The following LIX1 variants were observed in gnomAD, a reference collection of about 807,000 sequenced individuals.
LIX1 encodes the protein limb and CNS expressed 1, also known as protein limb expression 1 homolog.
A neutral mutation model predicts 33.4 loss-of-function variants in LIX1; 24 were observed. That is an observed-to-expected ratio of 0.72 (90% confidence interval 0.52 to 1.01). The LOEUF is 1.01. Among genes scored for constraint, LIX1 ranks in the 50% least tolerant of loss-of-function variants. The pLI is 0.00. For missense variants in LIX1, 311 were observed against 339.2 expected (o/e 0.92, Z 0.65); for synonymous variants, 124 against 124.0 (o/e 1.00, Z 0.00).
At chr5:97,133,981 G>A (rs561839702) in intron 1 of LIX1, among the ~76,000 whole-genome samples, 23 of 151,906 alleles carry the variant, frequency 1.5e-4, no homozygotes, top group Admixed American at 3.9e-4. Flanking sequence ...AAATTTGACA[G>A]AAAAAAAAGA....
intron 2 of LIX1, among the ~76,000 whole-genome samples, chr5:97,111,926 T>C (rs962884671): frequency 1.3e-5 from 2 of 152,204 alleles, no homozygotes; most frequent in African/African-American, 4.8e-5. Context: ...AGCAGACACA[T>C]GTCTATGCTC....
intron 1 of LIX1, among the ~76,000 whole-genome samples, chr5:97,135,877 T>C (rs1748162443): frequency 6.6e-6 from 1 of 152,040 alleles, no homozygotes; most frequent in Non-Finnish European, 1.5e-5. Context: ...GGACCAATGA[T>C]TTTAGACAAC....
At chr5:97,110,687 G>T (rs1359129070) in intron 2 of LIX1, among the ~76,000 whole-genome samples, 1 of 152,122 alleles carries the variant, frequency 6.6e-6, no homozygotes, top group Non-Finnish European at 1.5e-5. Context: ...CAGGTGATCC[G>T]CCCGCCTTGG....
chr5:97,133,093 T>G (rs564148866), intron 1 of LIX1, among the ~76,000 whole-genome samples: 2 of 152,322 alleles, frequency 1.3e-5, no homozygotes, highest in Admixed American at 1.3e-4. Context: ...AAGTTTGAGA[T>G]GTAGAGAGTT....
chr5:97,139,012 A>C (rs1748228145), intron 1 of LIX1, among the ~76,000 whole-genome samples: 1 of 152,168 alleles, frequency 6.6e-6, no homozygotes. Context: ...GGCATACTCA[A>C]CCTGTACTGC....
rs117082285 is a variant in LIX1 at position 97,092,956 on chromosome 5, G to T, written c.*1792C>A. ...TTCTGATTTCTTTTCAGGAATATAA[G>T]GGAATAAAGTTCTTTCGTGGGTGAC... On this transcript the variant is annotated 3_prime_UTR_variant, in exon 6 of 6. Transcript: ENST00000274382. 1.8e-4 allele frequency: 28 copies of T among 152,412 alleles called. No individual in the cohort carries two copies. In the East Asian group the frequency reaches 5.3e-3, roughly 29 times the overall value. The allele number at this position is 152,412 out of a possible 1,614,324, so 9.4% of individuals were successfully genotyped here.
Position 97,092,117 on chromosome 5 carries a change from T to C in LIX1, c.*2631A>G, listed in dbSNP as rs577810717. ...GGATCCCTGATGTAAAGTTTGACAG[T>C]GTATGTTGTGTTCAAAATCAACAGT... On this transcript the variant is annotated 3_prime_UTR_variant, in exon 6 of 6. Transcript: ENST00000274382. 2 of 152,456 alleles carry C rather than the reference T, an allele frequency of 1.3e-5. No homozygotes were observed. Among genetic ancestry groups the C allele is most frequent in the South Asian group, 2.1e-4 (1 of 4,828 alleles). 9.4% of individuals were successfully genotyped at this position (152,456 alleles called of 1,614,324 possible).
chr5:97,104,791 T>C (rs547603111), intron 4 of LIX1, among the ~76,000 whole-genome samples: 6 of 152,280 alleles, frequency 3.9e-5, no homozygotes, highest in African/African-American at 1.4e-4. Flanking sequence ...TAGGGTATTG[T>C]TTAACGTGCA....
rs370066844 is a variant in LIX1, at chr5:97,105,179, C to T, written c.483+11G>A. 61 of 1,610,288 alleles carry T rather than the reference C, an allele frequency of 3.8e-5. No individual in the cohort carries two copies. The highest frequency in any genetic ancestry group is 4.9e-5 in the Non-Finnish European group (58 of 1,176,662). On this transcript the variant is annotated intron_variant, in intron 4 of 5. Coordinates refer to ENST00000274382, the MANE Select transcript of LIX1 (RefSeq NM_153234.5). ...GATAATCAAACAAATATGTGGCAGG[C>T]AGGCAGGTACCTGAAACTCCAGCAT...
intron 2 of LIX1, among the ~76,000 whole-genome samples, chr5:97,122,587 C>T (rs1331402179): frequency 6.6e-6 from 1 of 152,148 alleles, no homozygotes; most frequent in Non-Finnish European, 1.5e-5. Flanking sequence ...TCTAAGAGTT[C>T]ATCTTGTTGA....
intron 2 of LIX1, among the ~76,000 whole-genome samples, chr5:97,113,481 T>C (rs1747517999): frequency 6.6e-6 from 1 of 152,262 alleles, no homozygotes; most frequent in Non-Finnish European, 1.5e-5. Context: ...GGTACTATGC[T>C]GAGCACTTTA....
chr5:97,138,705 T>C (rs1212996091), intron 1 of LIX1, among the ~76,000 whole-genome samples: 4 of 152,168 alleles, frequency 2.6e-5, no homozygotes, highest in Admixed American at 2.0e-4. Context: ...ACACTTCTGT[T>C]CAAATGTGAT....
chr5:97,101,238 T>C (rs13154242), intron 4 of LIX1, among the ~76,000 whole-genome samples: 40,903 of 152,104 alleles, frequency 0.27, 6,293 homozygotes, highest in African/African-American at 0.43. Flanking sequence ...ATTATAATAT[T>C]ATTTATCTTG....
chr5:97,097,552 A>G (rs1746451927), intron 4 of LIX1, among the ~76,000 whole-genome samples: 1 of 152,234 alleles, frequency 6.6e-6, no homozygotes, highest in Admixed American at 6.5e-5. Context: ...ATGCCAGAGG[A>G]ATGCCTGGGG....
intron 2 of LIX1, among the ~76,000 whole-genome samples, chr5:97,111,606 G>A (rs1053718649): frequency 6.6e-6 from 1 of 152,202 alleles, no homozygotes; most frequent in Non-Finnish European, 1.5e-5. Context: ...TCATAGAGCT[G>A]TTGGAGTTTT....
At chr5:97,127,398 C>T (rs1488749368) in intron 1 of LIX1, among the ~76,000 whole-genome samples, 2 of 152,132 alleles carry the variant, frequency 1.3e-5, no homozygotes, top group Admixed American at 1.3e-4. Flanking sequence ...TCAAATTTTT[C>T]ATTCTGCAAT....
At chr5:97,118,806 A>C (rs1249039608) in intron 2 of LIX1, among the ~76,000 whole-genome samples, 1 of 152,128 alleles carries the variant, frequency 6.6e-6, no homozygotes, top group Admixed American at 6.6e-5. Flanking sequence ...GGCCTGGTCT[A>C]AAGGCAGGGC....
chr5:97,101,910 G>A (rs1478387339), intron 4 of LIX1: 1 of 152,130 alleles, frequency 6.6e-6, no homozygotes, highest in Non-Finnish European at 1.5e-5. Context: ...AAGGCGACCT[G>A]GAAAATTTAG....
intron 1 of LIX1, among the ~76,000 whole-genome samples, chr5:97,134,531 G>C (rs575973441): frequency 6.6e-6 from 1 of 152,240 alleles, no homozygotes; most frequent in Non-Finnish European, 1.5e-5. Flanking sequence ...TTTAAATAAA[G>C]TTAATTAGTA....
Sources: allele counts gnomAD v4.1 joint callset (sites outside exome capture counted in the v4.1 genomes callset), GRCh38; gene constraint gnomAD v4.1.1; transcripts MANE v1.5; gene names NCBI Gene and HGNC (gene_info 2026-07-23, HGNC 2026-07-21).